DLGAP1: variants seen among roughly 807,000 people sequenced by gnomAD.
DLGAP1 encodes the protein disks large-associated protein 1.
A neutral mutation model predicts 90.8 loss-of-function variants in DLGAP1; 11 were observed. The ratio of observed to expected loss-of-function variants is 0.12; its 90% CI spans 0.08 to 0.20. The LOEUF (loss-of-function observed/expected upper bound fraction) is 0.20. DLGAP1 is among the 10% of genes least tolerant of loss of function. The pLI is 1.00. For synonymous variants in DLGAP1, 558 were observed against 540.7 expected (o/e 1.03, Z -0.44); for missense variants, 1,050 against 1,333.8 (o/e 0.79, Z 3.31).
chr18:4,060,682 A>T (rs1194987703), intron 2 of DLGAP1, among the ~76,000 whole-genome samples: 1 of 152,208 alleles, frequency 6.6e-6, no homozygotes, highest in Non-Finnish European at 1.5e-5. Flanking sequence ...AAGGAAAATG[A>T]CTTATCTCAT....
At chr18:3,572,976 G>A (rs1421853129) in intron 8 of DLGAP1, among the ~76,000 whole-genome samples, 1 of 152,046 alleles carries the variant, frequency 6.6e-6, no homozygotes. Flanking sequence ...ATAATAAGAT[G>A]TGAGGGAGGC....
chr18:4,230,082 T>G (rs2078269447), intron 1 of DLGAP1, among the ~76,000 whole-genome samples: 2 of 152,016 alleles, frequency 1.3e-5, no homozygotes, highest in African/African-American at 4.8e-5. Context: ...AAAACTACAA[T>G]GCTATAGCAC....
chr18:4,216,043 C>T (rs1379564976), intron 1 of DLGAP1, among the ~76,000 whole-genome samples: 1 of 152,144 alleles, frequency 6.6e-6, no homozygotes, highest in African/African-American at 2.4e-5. Context: ...CTAATAAAGA[C>T]ATACCCGAGA....
intron 5 of DLGAP1, among the ~76,000 whole-genome samples, chr18:3,760,424 T>C (rs1305610838): frequency 6.6e-6 from 1 of 152,224 alleles, no homozygotes; most frequent in Admixed American, 6.5e-5. Flanking sequence ...GGAATTAGTT[T>C]CTTTTTTTGG....
chr18:3,582,404 C>T (rs1255647177), intron 7 of DLGAP1, among the ~76,000 whole-genome samples, 156 bp from the exon 8 acceptor site: 3 of 152,052 alleles, frequency 2.0e-5, no homozygotes, highest in Non-Finnish European at 2.9e-5. Flanking sequence ...CCCTGCTCTC[C>T]GGAGGTGGTT....
intron 3 of DLGAP1, among the ~76,000 whole-genome samples, chr18:3,940,497 G>C (rs1430550445): frequency 6.6e-6 from 1 of 152,198 alleles, no homozygotes; most frequent in East Asian, 1.9e-4. Context: ...ACTTCACTAA[G>C]AGTTGTTGAG....
At chr18:3,902,873 G>C (rs1157749552) in intron 3 of DLGAP1, among the ~76,000 whole-genome samples, 1 of 152,050 alleles carries the variant, frequency 6.6e-6, no homozygotes, top group African/African-American at 2.4e-5. Context: ...CTTCCTCTCA[G>C]TGGGAAGCCC....
intron 1 of DLGAP1, among the ~76,000 whole-genome samples, chr18:4,222,542 C>T (rs936005262): frequency 2.0e-5 from 3 of 151,968 alleles, no homozygotes; most frequent in African/African-American, 7.3e-5. Flanking sequence ...TCAGCAACAA[C>T]AATGGAAGTC....
Position 4,419,946 on chromosome 18 carries a change from C to T in DLGAP1, c.-267+35060G>A, listed in dbSNP as rs190301990. Among the ~76,000 whole-genome samples the T allele has an allele frequency of 6.4e-4, 98 of 152,220 alleles. 1 individual carries two copies. Among genetic ancestry groups the T allele is most frequent in the South Asian group, 1.7e-3 (8 of 4,828 alleles). On this transcript the variant is annotated intron_variant, in intron 1 of 12. Transcript: ENST00000315677. ...TGCTGTCCACAAGAAACACACTTTA[C>T]ATATGTACAGACAGGTCAAATAGAT...
At chr18:4,080,712 C>T (rs534898239) in intron 2 of DLGAP1, among the ~76,000 whole-genome samples, 5 of 152,296 alleles carry the variant, frequency 3.3e-5, no homozygotes, top group African/African-American at 1.2e-4. Flanking sequence ...CCTCTTCTCT[C>T]CCTCCCATAA....
chr18:4,149,219 A>C (rs190771464), intron 2 of DLGAP1, among the ~76,000 whole-genome samples: 7 of 152,300 alleles, frequency 4.6e-5, no homozygotes, highest in Non-Finnish European at 8.8e-5. Flanking sequence ...ATAATGTCTC[A>C]AATATACATG....
chr18:3,783,615 G>A (rs1452191023), intron 5 of DLGAP1, among the ~76,000 whole-genome samples: 1 of 152,212 alleles, frequency 6.6e-6, no homozygotes, highest in African/African-American at 2.4e-5. Context: ...GGGGCTGTGG[G>A]GAGGGCTGGA....
At chr18:3,576,425 A>AT (rs1435908001) in intron 8 of DLGAP1, among the ~76,000 whole-genome samples, 3 of 150,658 alleles carry the variant, frequency 2.0e-5, no homozygotes, top group African/African-American at 7.3e-5. Flanking sequence ...TGCCCAACTA[A>AT]TTTTTTTGTA....
At chr18:3,806,349 T>C (rs569662509) in intron 5 of DLGAP1, among the ~76,000 whole-genome samples, 2 of 152,354 alleles carry the variant, frequency 1.3e-5, no homozygotes, top group African/African-American at 4.8e-5. Flanking sequence ...GAATTTTAAG[T>C]TCCTTTCTTC....
intron 7 of DLGAP1, among the ~76,000 whole-genome samples, chr18:3,590,038 G>A (rs1401096101): frequency 6.6e-6 from 1 of 152,184 alleles, no homozygotes; most frequent in Non-Finnish European, 1.5e-5. Context: ...AGCCTCCTGA[G>A]TAGCTGGGAT....
chr18:4,157,616 C>CAGTGATT (rs2076778699), intron 1 of DLGAP1, among the ~76,000 whole-genome samples: 1 of 152,174 alleles, frequency 6.6e-6, no homozygotes, highest in Non-Finnish European at 1.5e-5. Flanking sequence ...AGTAGTTGAA[C>CAGTGATT]CAGTGTTTTG....
chr18:3,597,237 A>G (rs1365437958), intron 7 of DLGAP1: 2 of 515,184 alleles, frequency 3.9e-6, no homozygotes, highest in African/African-American at 3.9e-5. Context: ...GAAAATTAGT[A>G]GCACCTGCAC....
intron 3 of DLGAP1, among the ~76,000 whole-genome samples, chr18:3,969,852 G>T (rs1342144411): frequency 6.6e-6 from 1 of 152,116 alleles, no homozygotes; most frequent in African/African-American, 2.4e-5. Flanking sequence ...CACGTAAAGG[G>T]CCTTTCTTGA....
In DLGAP1 at chr18:3,550,148, G is replaced by A. The variant is rs1050743789; in HGVS notation, c.2058-15533C>T. Among the ~76,000 whole-genome samples, 6 of 151,848 alleles carry A rather than the reference G, an allele frequency of 4.0e-5. No individual in the cohort carries two copies. The East Asian group carries it at 5.8e-4, about 15-fold the overall frequency. On this transcript the variant is annotated intron_variant, in intron 9 of 12. Transcript: ENST00000315677. The stretch of plus-strand genomic sequence containing the variant: ...AGGCTGGTCTCGAACTCCTGACCTC[G>A]TGATCCACCTGCCTCGGCCTCCCAA...
Sources: gnomAD v4.1 joint callset for allele counts (sites outside exome capture counted in the v4.1 genomes callset) on GRCh38, gnomAD v4.1.1 for gene constraint, MANE v1.5 for transcripts, NCBI Gene and HGNC (gene_info 2026-07-23, HGNC 2026-07-21) for gene names.